The following CCDC7 variants were observed in gnomAD, a reference collection of about 807,000 sequenced individuals.
The protein encoded by CCDC7 is coiled-coil domain-containing protein 7.
CCDC7 carries 183 observed loss-of-function variants against 196.9 expected under a neutral mutation model. The ratio of observed to expected loss-of-function variants is 0.93; its 90% CI spans 0.82 to 1.05. The LOEUF (loss-of-function observed/expected upper bound fraction) is 1.05, where lower values mean the gene tolerates loss of function less well. Among genes scored for constraint, CCDC7 ranks in the 50% least tolerant of loss-of-function variants. The pLI is 0.00. For synonymous variants in CCDC7, 525 were observed against 484.6 expected (o/e 1.08, Z -1.10); for missense variants, 1,540 against 1,482.2 (o/e 1.04, Z -0.64).
intron 18 of CCDC7, among the ~76,000 whole-genome samples, chr10:32,625,861 G>A (rs1008552687): frequency 3.3e-5 from 5 of 151,984 alleles, no homozygotes; most frequent in African/African-American, 1.2e-4. Flanking sequence ...ACTTAGCATA[G>A]TGTTCTACAG....
At chr10:32,841,127 T>C (rs2092946638) in intron 33 of CCDC7, among the ~76,000 whole-genome samples, 1 of 151,884 alleles carries the variant, frequency 6.6e-6, no homozygotes, top group African/African-American at 2.4e-5. Context: ...CTATTCAACA[T>C]AGTACTGGAA....
chr10:32,696,497 C>A (rs2077749272), intron 24 of CCDC7, among the ~76,000 whole-genome samples: 1 of 151,224 alleles, frequency 6.6e-6, no homozygotes, highest in Non-Finnish European at 1.5e-5. Context: ...TTTTTTTAAG[C>A]CAAAAGATTT....
chr10:32,709,924 G>C (rs1762531), intron 24 of CCDC7, among the ~76,000 whole-genome samples: 1 of 152,156 alleles, frequency 6.6e-6, no homozygotes, highest in Non-Finnish European at 1.5e-5. Flanking sequence ...AGAGACCAAG[G>C]GATCACCAGT....
intron 25 of CCDC7, among the ~76,000 whole-genome samples, chr10:32,714,687 C>T (rs2081319340): frequency 6.6e-6 from 1 of 152,170 alleles, no homozygotes; most frequent in Non-Finnish European, 1.5e-5. Context: ...TGAAGTCAAC[C>T]TGGGATGCTC....
At chr10:32,449,947 C>T (rs756524623), upstream of CCDC7, among the ~76,000 whole-genome samples, 25 of 152,278 alleles carry the variant, frequency 1.6e-4, no homozygotes, top group Middle Eastern at 3.4e-3. Flanking sequence ...GGTGCCTTGT[C>T]GTTGGACTTT....
chr10:32,470,431 C>T (rs1036928627), intron 5 of CCDC7, among the ~76,000 whole-genome samples: 6 of 152,128 alleles, frequency 3.9e-5, no homozygotes, highest in Admixed American at 3.9e-4. Flanking sequence ...GGTTTTTGGA[C>T]ACTCATTCTT....
intron 1 of CCDC7, 102 bp downstream of exon 2, chr10:32,452,023 A>T: frequency 2.8e-6 from 4 of 1,409,666 alleles, no homozygotes; most frequent in Non-Finnish European, 3.7e-6. Flanking sequence ...AGTCATACCG[A>T]TGGCTAAGAT....
chr10:32,608,256 T>C (rs1042828556), intron 18 of CCDC7, among the ~76,000 whole-genome samples: 1 of 152,146 alleles, frequency 6.6e-6, no homozygotes, highest in Non-Finnish European at 1.5e-5. Flanking sequence ...AAAATCCAAC[T>C]CTTTTTTTGT....
intron 8 of CCDC7, 90 bp downstream of exon 9, chr10:32,474,113 G>A: frequency 2.3e-6 from 3 of 1,326,060 alleles, no homozygotes; most frequent in Non-Finnish European, 3.0e-6. Flanking sequence ...TAACAGTGCA[G>A]ACTCCTTGCC....
chr10:32,627,009 G>A (rs972373663), intron 18 of CCDC7, among the ~76,000 whole-genome samples: 1 of 143,764 alleles, frequency 7.0e-6, no homozygotes, highest in Admixed American at 7.2e-5. Context: ...TGTTCTTTTT[G>A]TTCATGATTG....
chr10:32,596,095 C>A (rs540476283), intron 18 of CCDC7, among the ~76,000 whole-genome samples: 6 of 152,188 alleles, frequency 3.9e-5, no homozygotes, highest in Non-Finnish European at 8.8e-5. Context: ...TCCTGGATAT[C>A]CTTGTTAACT....
intron 32 of CCDC7, among the ~76,000 whole-genome samples, chr10:32,833,272 GT>G (rs1409672337): frequency 6.6e-6 from 1 of 151,568 alleles, no homozygotes; most frequent in African/African-American, 2.4e-5. Flanking sequence ...TGTGATGATG[GT>G]TTAACAACTG....
intron 18 of CCDC7, among the ~76,000 whole-genome samples, chr10:32,608,290 G>A (rs1241662515): frequency 6.6e-6 from 1 of 151,822 alleles, no homozygotes; most frequent in African/African-American, 2.4e-5. Context: ...TTTAGTATCT[G>A]TGTTTTAGTT....
rs188350454 is a variant in CCDC7 at position 32,821,510 on chromosome 10, C to T, written c.3182-3008C>T. On this transcript the variant is annotated intron_variant, in intron 31 of 41. Transcript: ENST00000639629. ...ACATGCTGCTATAAATACACATGCA[C>T]GCGTATGTTTATTGCGGCACTATTC... 8.1e-3 allele frequency among the ~76,000 whole-genome samples: 1,240 copies of T among 152,240 alleles called. 7 individuals are homozygous for T. The highest frequency in any genetic ancestry group is 0.02 in the Middle Eastern group (6 of 294).
At chr10:32,634,651 T>G (rs1483662649) in intron 19 of CCDC7, among the ~76,000 whole-genome samples, 2 of 152,154 alleles carry the variant, frequency 1.3e-5, no homozygotes, top group Admixed American at 1.3e-4. Flanking sequence ...CACCTTGGCC[T>G]CCCAAAGTGC....
At chr10:32,702,284 A>G (rs1254459266) in intron 24 of CCDC7, among the ~76,000 whole-genome samples, 1 of 152,124 alleles carries the variant, frequency 6.6e-6, no homozygotes, top group Non-Finnish European at 1.5e-5. Flanking sequence ...TGTACCTAGT[A>G]GTCATTCAGG....
chr10:32,511,265 G>GGA, intron 9 of CCDC7: 3 of 542,388 alleles, frequency 5.5e-6, no homozygotes, highest in East Asian at 3.2e-5. Flanking sequence ...GGGGGGCGGG[G>GGA]GGGGCGGGGA....
chr10:32,598,253 A>T (rs2060624351), intron 18 of CCDC7, among the ~76,000 whole-genome samples: 1 of 152,092 alleles, frequency 6.6e-6, no homozygotes, highest in Non-Finnish European at 1.5e-5. Context: ...TTGATCTCAG[A>T]CTGCTGTGCT....
At chr10:32,805,439 G>A (rs970127982) in intron 30 of CCDC7, among the ~76,000 whole-genome samples, 12 of 152,120 alleles carry the variant, frequency 7.9e-5, no homozygotes, top group African/African-American at 2.9e-4. Context: ...TGCAAAAGCG[G>A]AAAGGCTATC....
Sources: allele counts gnomAD v4.1 joint callset (sites outside exome capture counted in the v4.1 genomes callset), GRCh38; gene constraint gnomAD v4.1.1; transcripts MANE v1.5; gene names NCBI Gene and HGNC (gene_info 2026-07-23, HGNC 2026-07-21).